Variants in CFAP61 observed in about 807,000 individuals in gnomAD.
The protein encoded by CFAP61 is cilia- and flagella-associated protein 61.
CFAP61 carries 107 observed loss-of-function variants against 135.6 expected under a neutral mutation model. The observed-to-expected ratio is 0.79, with a 90% CI of 0.67 to 0.93. CFAP61 has a LOEUF of 0.93. Ranked by LOEUF, CFAP61 falls within the 40% of genes least tolerant of loss-of-function variation. The pLI is 0.00. For missense variants in CFAP61, 1,507 were observed against 1,556.2 expected, an observed-to-expected ratio of 0.97 and a Z score of 0.53; for synonymous variants, 575 against 578.5, an observed-to-expected ratio of 0.99 and a Z score of 0.09.
chr20:20,131,354 T>G (rs1215002175), intron 8 of CFAP61, among the ~76,000 whole-genome samples: 1 of 152,184 alleles, frequency 6.6e-6, no homozygotes, highest in Non-Finnish European at 1.5e-5. Context: ...ATTTGTTATA[T>G]TTGGTAGTTC....
chr20:20,098,983 C>T (rs921594514), intron 8 of CFAP61, among the ~76,000 whole-genome samples, 169 bp downstream of exon 8: 7 of 152,170 alleles, frequency 4.6e-5, no homozygotes, highest in Non-Finnish European at 8.8e-5. Context: ...TACCTACAAG[C>T]ACAGATAGTC....
intron 17 of CFAP61, among the ~76,000 whole-genome samples, chr20:20,211,533 G>A (rs1413381516): frequency 6.6e-6 from 1 of 152,076 alleles, no homozygotes; most frequent in Non-Finnish European, 1.5e-5. Context: ...AATAAATAAG[G>A]TATGAAAATA....
intron 20 of CFAP61, among the ~76,000 whole-genome samples, chr20:20,262,513 CA>C (rs2147010240): frequency 6.6e-6 from 1 of 152,268 alleles, no homozygotes; most frequent in African/African-American, 2.4e-5. Flanking sequence ...GCATATTTTC[CA>C]GGGGAAAGAA....
intron 13 of CFAP61, among the ~76,000 whole-genome samples, chr20:20,179,451 A>G (rs959947510): frequency 6.6e-6 from 1 of 152,234 alleles, no homozygotes; most frequent in South Asian, 2.1e-4. Flanking sequence ...AAATGACCAT[A>G]CTGCCCAAAG....
intron 11 of CFAP61, among the ~76,000 whole-genome samples, chr20:20,165,968 T>C (rs973817958): frequency 6.6e-6 from 1 of 152,214 alleles, no homozygotes; most frequent in South Asian, 2.1e-4. Context: ...TTTTTGAATT[T>C]TGAAACAGGA....
chr20:20,290,255 T>C (rs748203936), intron 23 of CFAP61, 45 bp from the exon 24 acceptor site: 1 of 1,203,328 alleles, frequency 8.3e-7, no homozygotes, highest in African/African-American at 1.5e-5. Context: ...GTTACTCACC[T>C]CATTAACAAT....
intron 24 of CFAP61, among the ~76,000 whole-genome samples, chr20:20,292,312 C>A (rs1221615019): frequency 6.6e-6 from 1 of 152,174 alleles, no homozygotes; most frequent in Admixed American, 6.5e-5. Flanking sequence ...AGGGTAGATG[C>A]TGTATGTTTA....
chr20:20,303,122 A>G (rs1330986757), intron 25 of CFAP61, among the ~76,000 whole-genome samples: 3 of 152,184 alleles, frequency 2.0e-5, no homozygotes, highest in African/African-American at 7.2e-5. Flanking sequence ...ATTTGAGTTA[A>G]GGGAGAATTA....
At chr20:20,332,412 A>G (rs866994436) in intron 25 of CFAP61, among the ~76,000 whole-genome samples, 14 of 152,358 alleles carry the variant, frequency 9.2e-5, no homozygotes, top group South Asian at 2.1e-4. Context: ...TTCCGGGGCC[A>G]CTTTTCCCAA....
intron 2 of CFAP61, among the ~76,000 whole-genome samples, chr20:20,062,957 C>G (rs2044921286): frequency 6.6e-6 from 1 of 152,088 alleles, no homozygotes; most frequent in Non-Finnish European, 1.5e-5. Flanking sequence ...GTTTTTAGGG[C>G]TTTATGGATT....
chr20:20,353,072 G>A (rs2058904083), intron 26 of CFAP61, among the ~76,000 whole-genome samples: 1 of 152,086 alleles, frequency 6.6e-6, no homozygotes, highest in Admixed American at 6.5e-5. Context: ...CATAAGCAAA[G>A]GACCTGAATA....
intron 1 of CFAP61, 42 bp downstream of exon 1, chr20:20,052,633 G>A (rs764763818): frequency 6.2e-7 from 1 of 1,613,554 alleles, no homozygotes; most frequent in Non-Finnish European, 8.5e-7. Flanking sequence ...CAAGGACTGC[G>A]GTGCAGGGCG....
chr20:20,059,290 T>C (rs975719778), intron 2 of CFAP61, among the ~76,000 whole-genome samples: 32 of 114,664 alleles, frequency 2.8e-4, no homozygotes, highest in African/African-American at 1.0e-3. Flanking sequence ...ATTGCACTAC[T>C]GCACACTCCA....
At chr20:20,158,732 G>T (rs561798658) in intron 9 of CFAP61, among the ~76,000 whole-genome samples, 1 of 152,318 alleles carries the variant, frequency 6.6e-6, no homozygotes, top group Non-Finnish European at 1.5e-5. Flanking sequence ...TTTGCCTGTG[G>T]TTGGCAGAGT....
intron 26 of CFAP61, among the ~76,000 whole-genome samples, chr20:20,354,622 G>C (rs1326771488): frequency 6.6e-6 from 1 of 152,170 alleles, no homozygotes; most frequent in Non-Finnish European, 1.5e-5. Context: ...TGGTCATACT[G>C]TGTGAAGGGA....
intron 1 of CFAP61, among the ~76,000 whole-genome samples, chr20:20,055,167 GTTCTC>G (rs762863502): frequency 3.5e-4 from 53 of 151,990 alleles, no homozygotes; most frequent in Middle Eastern, 3.4e-3. Flanking sequence ...ATAATGACCT[GTTCTC>G]TTCTCATGAC....
chr20:20,213,437 C>G lies in CFAP61; in HGVS notation c.1932+13535C>G, dbSNP rs531236939. Among the ~76,000 whole-genome samples, 13 of 151,716 alleles carry G rather than the reference C, an allele frequency of 8.6e-5. No homozygotes were observed. The South Asian group carries it at 2.7e-3, about 32-fold the overall frequency. The stretch of plus-strand genomic sequence containing the variant: ...GAAAAGCAAGCCAGTGGGCTCAGAA[C>G]ATGAATTTAGAATTTCAGGAATCCA... On this transcript the variant is annotated intron_variant, in intron 17 of 26. Transcript: ENST00000245957.
intron 8 of CFAP61, among the ~76,000 whole-genome samples, chr20:20,121,748 C>G (rs1429462042): frequency 6.6e-6 from 1 of 152,140 alleles, no homozygotes; most frequent in Non-Finnish European, 1.5e-5. Flanking sequence ...CCTGCTTCAG[C>G]CTTCCAAAAT....
At chr20:20,201,359 C>T (rs2146896592) in intron 17 of CFAP61, among the ~76,000 whole-genome samples, 1 of 152,342 alleles carries the variant, frequency 6.6e-6, no homozygotes, top group South Asian at 2.1e-4. Flanking sequence ...AACTCCTTAG[C>T]TAATTTTGGA....
Sources: allele counts gnomAD v4.1 joint callset (sites outside exome capture counted in the v4.1 genomes callset), GRCh38; gene constraint gnomAD v4.1.1; transcripts MANE v1.5; gene names NCBI Gene and HGNC (gene_info 2026-07-23, HGNC 2026-07-21).